The following MACROD2 variants were observed in gnomAD, a reference collection of about 807,000 sequenced individuals.
MACROD2 encodes the protein ADP-ribose glycohydrolase MACROD2.
A neutral mutation model predicts 70.4 loss-of-function variants in MACROD2; 36 were observed. The ratio of observed to expected loss-of-function variants is 0.51; its 90% confidence interval spans 0.39 to 0.68. The LOEUF (loss-of-function observed/expected upper bound fraction) is 0.68, where lower values mean the gene tolerates loss of function less well. Among genes scored for constraint, MACROD2 ranks in the 30% least tolerant of loss-of-function variants. The pLI, the probability that MACROD2 is intolerant of heterozygous loss-of-function variation, is 0.00. For missense variants in MACROD2, 496 were observed against 538.4 expected (o/e 0.92, Z 0.78); for synonymous variants, 172 against 178.8 (o/e 0.96, Z 0.30).
intron 4 of MACROD2, among the ~76,000 whole-genome samples, chr20:14,576,583 T>C (rs1442808897): frequency 6.6e-6 from 1 of 152,182 alleles, no homozygotes; most frequent in Non-Finnish European, 1.5e-5. Flanking sequence ...AAGTCAAGAA[T>C]AAGCTAAACG....
intron 5 of MACROD2, among the ~76,000 whole-genome samples, chr20:14,710,062 AT>A (rs2071319372): frequency 6.6e-6 from 1 of 152,228 alleles, no homozygotes; most frequent in Non-Finnish European, 1.5e-5. Context: ...ACTGAATCTA[AT>A]ATAAAAGCAA....
chr20:14,748,533 C>T (rs528860961), intron 5 of MACROD2, among the ~76,000 whole-genome samples: 5 of 152,050 alleles, frequency 3.3e-5, no homozygotes, highest in Admixed American at 6.5e-5. Flanking sequence ...TTAATGCATA[C>T]CTTTGACTAT....
chr20:15,665,816 A>C (rs930298629), intron 8 of MACROD2, among the ~76,000 whole-genome samples: 5 of 152,184 alleles, frequency 3.3e-5, no homozygotes, highest in Non-Finnish European at 5.9e-5. Context: ...AAGCATCCCC[A>C]CTTCTGGGTG....
At chr20:15,149,167 T>C (rs2076251273) in intron 5 of MACROD2, among the ~76,000 whole-genome samples, 2 of 151,982 alleles carry the variant, frequency 1.3e-5, no homozygotes, top group South Asian at 4.1e-4. Context: ...GCTTGGTGTG[T>C]AGGGAAGGGA....
intron 8 of MACROD2, among the ~76,000 whole-genome samples, chr20:15,631,436 T>G (rs2146752002): frequency 6.6e-6 from 1 of 152,322 alleles, no homozygotes; most frequent in Admixed American, 6.5e-5. Flanking sequence ...AAAGATTATT[T>G]TAAATCCAAA....
chr20:14,082,066 T>G (rs2054001766), intron 2 of MACROD2, among the ~76,000 whole-genome samples: 1 of 152,148 alleles, frequency 6.6e-6, no homozygotes, highest in Admixed American at 6.5e-5. Context: ...TCTCAAAATA[T>G]TCCATTTTAA....
intron 10 of MACROD2, among the ~76,000 whole-genome samples, chr20:15,891,930 G>A (rs1474880811): frequency 6.6e-6 from 1 of 152,118 alleles, no homozygotes; most frequent in Admixed American, 6.6e-5. Flanking sequence ...CAGCCCTGAA[G>A]GGACAATGGG....
At chr20:15,536,808 T>G (rs917048360) in intron 8 of MACROD2, among the ~76,000 whole-genome samples, 6 of 152,232 alleles carry the variant, frequency 3.9e-5, no homozygotes, top group Non-Finnish European at 8.8e-5. Context: ...CTCTTTTTAG[T>G]ATTTTTATAA....
At chr20:15,654,909 A>G (rs566189217) in intron 8 of MACROD2, among the ~76,000 whole-genome samples, 15 of 152,258 alleles carry the variant, frequency 9.9e-5, no homozygotes, top group African/African-American at 3.6e-4. Flanking sequence ...AATTTTGAAA[A>G]TGTCACTGTA....
intron 2 of MACROD2, among the ~76,000 whole-genome samples, chr20:14,014,583 A>G (rs931184183): frequency 1.3e-5 from 2 of 152,172 alleles, no homozygotes; most frequent in African/African-American, 4.8e-5. Context: ...ACAATAATTT[A>G]GAGGGTATGC....
intron 2 of MACROD2, among the ~76,000 whole-genome samples, chr20:14,027,020 AG>A (rs1443331293): frequency 6.6e-6 from 1 of 152,158 alleles, no homozygotes; most frequent in African/African-American, 2.4e-5. Context: ...ACCTCCCAGC[AG>A]GGGTCGACAG....
rs537294030 is a variant in MACROD2, at chr20:15,665,895, C to G, written c.645+166048C>G. Among the ~76,000 whole-genome samples the G allele has an allele frequency of 9.2e-5, 14 of 152,224 alleles. No individual in the cohort carries two copies. The East Asian group carries it at 2.5e-3, about 27-fold the overall frequency. ...CCTAAAATCATGCCGCCTGGTGAAG[C>G]TCTGCCTGTTTTATGATCTGACGTC... On this transcript the variant is annotated intron_variant, in intron 8 of 17. Coordinates refer to ENST00000684519, the MANE Select transcript of MACROD2 (RefSeq NM_001351661.2).
intron 8 of MACROD2, among the ~76,000 whole-genome samples, chr20:15,784,755 A>T (rs2051892412): frequency 6.6e-6 from 1 of 152,198 alleles, no homozygotes; most frequent in Non-Finnish European, 1.5e-5. Flanking sequence ...TAGATGGTGG[A>T]TAAATGGGGG....
chr20:15,692,348 CCACT>C (rs747943965), intron 8 of MACROD2, among the ~76,000 whole-genome samples: 6 of 152,118 alleles, frequency 3.9e-5, no homozygotes, highest in Non-Finnish European at 7.4e-5. Flanking sequence ...AGGCATCCAC[CCACT>C]GTCACTTCAT....
chr20:14,000,003 ACT>A (rs1207451241), intron 1 of MACROD2, among the ~76,000 whole-genome samples: 3 of 151,974 alleles, frequency 2.0e-5, no homozygotes, highest in Non-Finnish European at 4.4e-5. Flanking sequence ...ACAGAGCAAG[ACT>A]CTGTCTCAAG....
chr20:15,814,562 C>T (rs577585927), intron 8 of MACROD2, among the ~76,000 whole-genome samples: 1 of 152,216 alleles, frequency 6.6e-6, no homozygotes. Context: ...TCCCTGGGAT[C>T]ACCTCCTAAA....
chr20:15,019,403 T>C (rs1363132023), intron 5 of MACROD2, among the ~76,000 whole-genome samples: 1 of 152,128 alleles, frequency 6.6e-6, no homozygotes, highest in African/African-American at 2.4e-5. Flanking sequence ...AGCTGGTGGG[T>C]GGCAGGTTTG....
At chr20:15,134,803 A>C (rs2076133876) in intron 5 of MACROD2, among the ~76,000 whole-genome samples, 2 of 152,298 alleles carry the variant, frequency 1.3e-5, no homozygotes, top group South Asian at 4.1e-4. Context: ...AGGATCAACA[A>C]AATTGATAGA....
Position 14,002,421 on chromosome 20 carries a change from AT to A in MACROD2, c.163+23del. ...AAAATGATGGTAAGTTTCTCGGAAC[AT>A]TTTTTAGGTAGATATTTTTCCCATT... On this transcript the variant is annotated intron_variant, in intron 2 of 17. Coordinates refer to ENST00000684519, the MANE Select transcript of MACROD2 (RefSeq NM_001351661.2). The A allele has an allele frequency of 1.3e-6, 2 of 1,489,668 alleles. No homozygotes were observed. The highest frequency in any genetic ancestry group is 1.8e-6 in the Non-Finnish European group (2 of 1,084,728). 92.3% of individuals were successfully genotyped at this position (1,489,668 alleles called of 1,614,324 possible). A position where few individuals can be genotyped will look rare whatever the true frequency, so the allele number is the denominator to read the frequency against.
Sources: gnomAD v4.1 joint callset for allele counts (sites outside exome capture counted in the v4.1 genomes callset) on GRCh38, gnomAD v4.1.1 for gene constraint, MANE v1.5 for transcripts, NCBI Gene and HGNC (gene_info 2026-07-23, HGNC 2026-07-21) for gene names.